KLHL42: variants seen among roughly 807,000 people sequenced by gnomAD.
The protein encoded by KLHL42 is kelch-like protein 42.
A neutral mutation model predicts 32.7 loss-of-function variants in KLHL42; 27 were observed. The ratio of observed to expected loss-of-function variants is 0.83; its 90% CI spans 0.61 to 1.14. The LOEUF (loss-of-function observed/expected upper bound fraction) is 1.14, where lower values mean the gene tolerates loss of function less well. Among genes scored for constraint, KLHL42 ranks in the 50% most tolerant of loss-of-function variants. The pLI is 0.00. For synonymous variants in KLHL42, 267 were observed against 248.2 expected, an observed-to-expected ratio of 1.08 and a Z score of -0.71; for missense variants, 491 against 560.8, an observed-to-expected ratio of 0.88 and a Z score of 1.26.
Position 27,783,407 on chromosome 12 carries a change from A to G in KLHL42, c.872+2205A>G, listed in dbSNP as rs539765578. Among the ~76,000 whole-genome samples the G allele has an allele frequency of 2.6e-5, 4 of 152,304 alleles. No individual in the cohort carries two copies. In the East Asian group the frequency reaches 7.7e-4, roughly 29 times the overall value. On this transcript the variant is annotated intron_variant, in intron 1 of 2. Transcript: ENST00000381271. Reference sequence around the variant, plus strand: ...AAGTATATTGATAGTGGTTAACAATAGGGGAAAAGTGTTTATGTATATTAA... The same window carrying G: ...AAGTATATTGATAGTGGTTAACAATGGGGGAAAAGTGTTTATGTATATTAA...
In KLHL42 at chr12:27,801,509, T is replaced by C. The variant is rs1250616342; in HGVS notation, c.*3343T>C. 1 of 152,300 alleles carries C rather than the reference T, an allele frequency of 6.6e-6. No individual in the cohort carries two copies. The highest frequency in any genetic ancestry group is 1.9e-4 in the East Asian group (1 of 5,180). 9.4% of individuals were successfully genotyped at this position (152,300 alleles called of 1,614,324 possible). The stretch of plus-strand genomic sequence containing the variant: ...AATGCAGATCACTCAAGAGGCAGCA[T>C]AGCAATGTAAAAGGAATATAAGTAG... On this transcript the variant is annotated 3_prime_UTR_variant, in exon 3 of 3. Coordinates refer to ENST00000381271, the MANE Select transcript of KLHL42 (RefSeq NM_020782.2).
At chr12:27,784,335 G>A (rs959945811) in intron 1 of KLHL42, among the ~76,000 whole-genome samples, 2 of 151,370 alleles carry the variant, frequency 1.3e-5, no homozygotes, top group Admixed American at 6.6e-5. Context: ...TAGAGAAGGG[G>A]TTTCACCTTG....
intron 1 of KLHL42, among the ~76,000 whole-genome samples, chr12:27,783,331 G>GT (rs1458310624): frequency 6.6e-6 from 1 of 152,070 alleles, no homozygotes; most frequent in Non-Finnish European, 1.5e-5. Context: ...AAATCTGAAT[G>GT]TAAGTGGACC....
chr12:27,801,274 A>G lies in KLHL42; in HGVS notation c.*3108A>G, dbSNP rs1016009633. ...TAGATATCAATGAAAGCTACACACC[A>G]TTGAGATGGGCAAAATTCTTTCTCT... is the stretch of plus-strand genomic sequence containing the variant. On this transcript the variant is annotated 3_prime_UTR_variant, in exon 3 of 3. Transcript: ENST00000381271. The G allele has an allele frequency of 3.9e-5, 6 of 152,260 alleles. No homozygotes were observed. The highest frequency in any genetic ancestry group is 1.5e-4 in the African/African-American group (6 of 41,372). The allele number at this position is 152,260 out of a possible 1,614,324, so 9.4% of individuals were successfully genotyped here. A position where few individuals can be genotyped will look rare whatever the true frequency, so the allele number is the denominator to read the frequency against.
intron 2 of KLHL42, among the ~76,000 whole-genome samples, chr12:27,793,592 A>C (rs2062206886): frequency 6.6e-6 from 1 of 151,816 alleles, no homozygotes; most frequent in African/African-American, 2.4e-5. Flanking sequence ...TGGTTGTGGG[A>C]AGACAGACAA....
chr12:27,791,822 C>G lies in KLHL42; in HGVS notation c.987C>G (p.Pro329=), dbSNP rs961493966. The G allele has an allele frequency of 1.9e-6, 3 of 1,614,038 alleles. No homozygotes were observed. The African/African-American group carries it at 4.0e-5, about 22-fold the overall frequency. Residue 329 remains proline, a synonymous_variant, in exon 2 of 3, where the codon CCC becomes CCG. Coordinates refer to ENST00000381271, the MANE Select transcript of KLHL42 (RefSeq NM_020782.2). ...AGGATGCGTGGAATTTTGTGGCGCC[C>G]TTACCCAATCCTCTGGCTGAGTTCT... ...PEQDAWNFVA[P]LPNPLAEFSA...
rs2062238609 is a variant in KLHL42, at chr12:27,800,274, C to T, written c.*2108C>T. 1.0e-6 allele frequency: 1 copy of T among 985,032 alleles called. No homozygotes were observed. The highest frequency in any genetic ancestry group is 1.8e-5 in the African/African-American group (1 of 57,102). The allele number at this position is 985,032 out of a possible 1,614,324, so 61.0% of individuals were successfully genotyped here. A position where few individuals can be genotyped will look rare whatever the true frequency, so the allele number is the denominator to read the frequency against. On this transcript the variant is annotated 3_prime_UTR_variant, in exon 3 of 3. Coordinates refer to ENST00000381271, the MANE Select transcript of KLHL42 (RefSeq NM_020782.2). ...TTTGCCTAATGTTGACAATTAGATT[C>T]TTGGACCAAGTGAGGGTGTACTCTG...
Position 27,798,148 on chromosome 12 carries a change from C to T in KLHL42, c.1500C>T (p.Pro500=), listed in dbSNP as rs1467655296. 1.3e-6 allele frequency: 1 copy of T among 778,548 alleles called. No homozygotes were observed. The highest frequency in any genetic ancestry group is 1.7e-5 in the Admixed American group (1 of 58,874). 48.2% of individuals were successfully genotyped at this position (778,548 alleles called of 1,614,324 possible). A position where few individuals can be genotyped will look rare whatever the true frequency, so the allele number is the denominator to read the frequency against. The change falls in exon 3 of 3, where the codon CCC becomes CCT. Residue 500 remains proline, a synonymous_variant. Transcript: ENST00000381271. The stretch of plus-strand genomic sequence containing the variant: ...TGCTGGTTTCTTCTCTTTATCTGCC[C>T]AATAAAGCAGAAACATGACTGAATT... ...HNLLVSSLYL[P]NKAET is the part of the protein sequence containing the mutation.
intron 1 of KLHL42, among the ~76,000 whole-genome samples, chr12:27,785,783 G>A (rs903872274): frequency 6.6e-6 from 1 of 151,724 alleles, no homozygotes; most frequent in Non-Finnish European, 1.5e-5. Flanking sequence ...AATAATAATA[G>A]GTGCTTAAAA....
In KLHL42 at chr12:27,799,861, T is replaced by C. The variant is rs2062236694; in HGVS notation, c.*1695T>C. 1 of 444,972 alleles carries C rather than the reference T, an allele frequency of 2.2e-6. No homozygotes were observed. The highest frequency in any genetic ancestry group is 9.5e-5 in the South Asian group (1 of 10,502). The allele number at this position is 444,972 out of a possible 1,614,324, so 27.6% of individuals were successfully genotyped here. On this transcript the variant is annotated 3_prime_UTR_variant, in exon 3 of 3. Coordinates refer to ENST00000381271, the MANE Select transcript of KLHL42 (RefSeq NM_020782.2). ...CCAAATAATCTTACCTCTAGTCTAC[T>C]TACAACTTTGTAAGGGTTTCTAAGC... is the stretch of plus-strand genomic sequence containing the variant.
At chr12:27,791,944 G>A (rs553383663) in intron 2 of KLHL42, 43 bp downstream of exon 2, 30 of 1,574,402 alleles carry the variant, frequency 1.9e-5, no homozygotes, top group African/African-American at 9.5e-5. Flanking sequence ...ATGTGTAGGC[G>A]TCAGCAGTCT....
At position 27,798,358 on chromosome 12, in the gene KLHL42, T is replaced by C. The variant is rs1208564002; in HGVS notation, c.*192T>C. ...TGGTGGAAAAAAGAGACCAACTTTG[T>C]TATTTTTTAAATTATTGATTTTTAA... On this transcript the variant is annotated 3_prime_UTR_variant, in exon 3 of 3. Coordinates refer to ENST00000381271, the MANE Select transcript of KLHL42 (RefSeq NM_020782.2). 2 of 541,604 alleles carry C rather than the reference T, an allele frequency of 3.7e-6. No homozygotes were observed. The highest frequency in any genetic ancestry group is 6.1e-5 in the East Asian group (2 of 33,050). 33.5% of individuals were successfully genotyped at this position (541,604 alleles called of 1,614,324 possible). A position where few individuals can be genotyped will look rare whatever the true frequency, so the allele number is the denominator to read the frequency against.
intron 2 of KLHL42, among the ~76,000 whole-genome samples, chr12:27,795,841 A>C (rs2062216131): frequency 6.6e-6 from 1 of 152,218 alleles, no homozygotes; most frequent in Non-Finnish European, 1.5e-5. Flanking sequence ...CTTTAAATGT[A>C]AAAACAAAAA....
chr12:27,790,686 T>C (rs2062192506), intron 1 of KLHL42, among the ~76,000 whole-genome samples: 1 of 152,230 alleles, frequency 6.6e-6, no homozygotes, highest in Non-Finnish European at 1.5e-5. Context: ...TTATGAAAGA[T>C]GAGCATTTGT....
In KLHL42 at chr12:27,797,712, C is replaced by T; in HGVS notation, c.1067-3C>T. The T allele has an allele frequency of 1.5e-6, 1 of 683,908 alleles. No individual in the cohort carries two copies. Among genetic ancestry groups the T allele is most frequent in the Non-Finnish European group, 2.7e-6 (1 of 374,828 alleles). 42.4% of individuals were successfully genotyped at this position (683,908 alleles called of 1,614,324 possible). A position where few individuals can be genotyped will look rare whatever the true frequency, so the allele number is the denominator to read the frequency against. ...TGTCATCACTTGTCTTTCTTTCTTT[C>T]AGACCGGAACATGAACATTTTGCAG... is the stretch of plus-strand genomic sequence containing the variant. On this transcript the variant is annotated splice_region_variant and splice_polypyrimidine_tract_variant and intron_variant, in intron 2 of 2. Transcript: ENST00000381271.
At chr12:27,793,506 C>T (rs929076224) in intron 2 of KLHL42, among the ~76,000 whole-genome samples, 1 of 150,960 alleles carries the variant, frequency 6.6e-6, no homozygotes, top group Non-Finnish European at 1.5e-5. Context: ...TGCTCCCCTG[C>T]ACCCCAGGCT....
intron 1 of KLHL42, 113 bp downstream of exon 1, chr12:27,781,315 T>TGA (rs927389840): frequency 3.2e-6 from 4 of 1,254,800 alleles, no homozygotes; most frequent in Non-Finnish European, 4.3e-6. Flanking sequence ...GTGGTGGAAA[T>TGA]GACATCTTCA....
chr12:27,785,018 A>G (rs2062165710), intron 1 of KLHL42, among the ~76,000 whole-genome samples: 1 of 152,010 alleles, frequency 6.6e-6, no homozygotes, highest in South Asian at 2.1e-4. Flanking sequence ...TTTTTTCTGC[A>G]GTGTTCAAAA....
intron 2 of KLHL42, chr12:27,797,215 C>G: frequency 2.2e-6 from 1 of 456,060 alleles, no homozygotes; most frequent in South Asian, 1.5e-5. Context: ...CTGCCTTTCT[C>G]CTGACTTGTA....
Sources: allele counts gnomAD v4.1 joint callset (sites outside exome capture counted in the v4.1 genomes callset), GRCh38; gene constraint gnomAD v4.1.1; transcripts MANE v1.5; gene names NCBI Gene and HGNC (gene_info 2026-07-23, HGNC 2026-07-21).